The following GFRAL variants were observed in gnomAD, a reference collection of about 807,000 sequenced individuals.
GFRAL encodes the protein GDNF family receptor alpha-like.
GFRAL carries 36 observed loss-of-function variants against 45.4 expected under a neutral mutation model. That is an observed-to-expected ratio of 0.79 (90% CI 0.61 to 1.05). The LOEUF is 1.05. Among genes scored for constraint, GFRAL ranks in the 50% least tolerant of loss-of-function variants. The pLI is 0.00. For synonymous variants in GFRAL, 166 were observed against 154.1 expected, an observed-to-expected ratio of 1.08 and a Z score of -0.57; for missense variants, 507 against 467.5, an observed-to-expected ratio of 1.08 and a Z score of -0.78.
intron 1 of GFRAL, among the ~76,000 whole-genome samples, chr6:55,328,862 C>T (rs960657614): frequency 1.3e-5 from 2 of 151,864 alleles, no homozygotes; most frequent in Non-Finnish European, 2.9e-5. Flanking sequence ...CAACATTTCC[C>T]ATATTATATT....
chr6:55,376,368 G>T (rs1192154229), intron 6 of GFRAL, among the ~76,000 whole-genome samples: 2 of 151,992 alleles, frequency 1.3e-5, no homozygotes, highest in Non-Finnish European at 2.9e-5. Context: ...ATGATTTTGT[G>T]CTCATAGAGT....
In GFRAL at chr6:55,337,753, T is replaced by G. The variant is rs144966735; in HGVS notation, c.316+3809T>G. Among the ~76,000 whole-genome samples the G allele has an allele frequency of 6.5e-3, 988 of 152,332 alleles. 6 individuals are homozygous for G. Among genetic ancestry groups the G allele is most frequent in the Middle Eastern group, 0.01 (3 of 294 alleles). Reference sequence around the variant, plus strand: ...TCCTAGTATTTCCTAATTGTCCTTTTTAATATCTGTAGCAGTTGCAGTGAT... The same window carrying G: ...TCCTAGTATTTCCTAATTGTCCTTTGTAATATCTGTAGCAGTTGCAGTGAT... On this transcript the variant is annotated intron_variant, in intron 3 of 8. Coordinates refer to ENST00000340465, the MANE Select transcript of GFRAL (RefSeq NM_207410.2).
chr6:55,347,937 TAAGCATATTTCTTATC>T (rs1768065050), intron 3 of GFRAL, among the ~76,000 whole-genome samples: 1 of 152,180 alleles, frequency 6.6e-6, no homozygotes, highest in Non-Finnish European at 1.5e-5. Flanking sequence ...TAGTTTATTG[TAAGCATATTTCTTATC>T]AGATTATAAA....
At chr6:55,353,913 C>T (rs1768152961) in intron 5 of GFRAL, among the ~76,000 whole-genome samples, 1 of 152,000 alleles carries the variant, frequency 6.6e-6, no homozygotes, top group Non-Finnish European at 1.5e-5. Flanking sequence ...AAAACTATTA[C>T]TATTCTGCCT....
chr6:55,362,294 C>CAACAA (rs1197653747), intron 6 of GFRAL, among the ~76,000 whole-genome samples: 10 of 150,096 alleles, frequency 6.7e-5, no homozygotes, highest in East Asian at 5.9e-4. Context: ...AAAACAGCAA[C>CAACAA]AACAAAACAA....
intron 6 of GFRAL, among the ~76,000 whole-genome samples, chr6:55,395,726 A>G (rs934961561): frequency 3.3e-5 from 5 of 151,822 alleles, no homozygotes; most frequent in Admixed American, 6.6e-5. Context: ...TGTGAATTAT[A>G]TAAGCAGAGT....
chr6:55,345,342 A>G (rs140296593), intron 3 of GFRAL, among the ~76,000 whole-genome samples: 1,989 of 152,320 alleles, frequency 0.013, 23 homozygotes, highest in Non-Finnish European at 0.022. Flanking sequence ...GTACCAAAAC[A>G]GAGATATAGA....
At chr6:55,395,175 A>ATATATATATATATATATATATATATATAT (rs1554136792) in intron 6 of GFRAL, among the ~76,000 whole-genome samples, 4 of 123,508 alleles carry the variant, frequency 3.2e-5, no homozygotes, top group African/African-American at 1.4e-4. Context: ...AAAAAAAAAA[A>ATATATATATATATATATATATATATATAT]ATATATATAT....
At chr6:55,376,896 G>A (rs960152854) in intron 6 of GFRAL, among the ~76,000 whole-genome samples, 14 of 151,738 alleles carry the variant, frequency 9.2e-5, no homozygotes, top group African/African-American at 3.4e-4. Flanking sequence ...ATTTGCTCTT[G>A]GATATTTTTC....
chr6:55,350,747 C>T (rs143303820), intron 4 of GFRAL, among the ~76,000 whole-genome samples: 2,018 of 152,164 alleles, frequency 0.013, 25 homozygotes, highest in Non-Finnish European at 0.022. Context: ...TATTTGTGAT[C>T]ATATAAGTTA....
chr6:55,399,321 C>T (rs1768866447), intron 7 of GFRAL, 46 bp downstream of exon 7: 7 of 1,532,110 alleles, frequency 4.6e-6, no homozygotes, highest in Non-Finnish European at 6.3e-6. Context: ...TATTTATTTC[C>T]TCTAAAAATC....
chr6:55,369,200 A>G (rs938066305), intron 6 of GFRAL, among the ~76,000 whole-genome samples: 10 of 151,896 alleles, frequency 6.6e-5, no homozygotes, highest in African/African-American at 9.7e-5. Context: ...GAGTGACCCG[A>G]TTTTCCAGGT....
At chr6:55,344,080 T>A (rs1352250374) in intron 3 of GFRAL, among the ~76,000 whole-genome samples, 1 of 151,978 alleles carries the variant, frequency 6.6e-6, no homozygotes, top group Non-Finnish European at 1.5e-5. Flanking sequence ...CAGGACCAGA[T>A]GGATTCACAG....
rs528402667 is a variant in GFRAL, at chr6:55,341,416, CT to C, written c.316+7473del. On this transcript the variant is annotated intron_variant, in intron 3 of 8. Transcript: ENST00000340465. Reference sequence around the variant, plus strand: ...CTTCTGACACCCAGTCAAACAGGGTCTGGAGTGGACCTCCAGCAAAGTCCAA... The same window carrying C: ...CTTCTGACACCCAGTCAAACAGGGTCGGAGTGGACCTCCAGCAAAGTCCAA... Among the ~76,000 whole-genome samples the C allele has an allele frequency of 5.8e-3, 889 of 152,298 alleles. 3 individuals are homozygous for C. Among genetic ancestry groups the C allele is most frequent in the South Asian group, 0.027 (132 of 4,834 alleles).
At chr6:55,376,979 C>G (rs929352698) in intron 6 of GFRAL, among the ~76,000 whole-genome samples, 1 of 151,768 alleles carries the variant, frequency 6.6e-6, no homozygotes, top group Non-Finnish European at 1.5e-5. Context: ...TATTTTAATG[C>G]CTCTAATCTT....
chr6:55,359,337 A>C lies in GFRAL; in HGVS notation c.952+199A>C, dbSNP rs148901401. ...TTACTCACTTACTTGAAAATAGTAC[A>C]TTTTAAAAATTTATATGATAGGTCA... On this transcript the variant is annotated intron_variant, in intron 6 of 8. Coordinates refer to ENST00000340465, the MANE Select transcript of GFRAL (RefSeq NM_207410.2). 4.3e-3 allele frequency among the ~76,000 whole-genome samples: 651 copies of C among 151,250 alleles called. 5 individuals are homozygous for C. The highest frequency in any genetic ancestry group is 0.014 in the African/African-American group (573 of 40,966).
In GFRAL at chr6:55,364,440, T is replaced by G. The variant is rs1475218550; in HGVS notation, c.952+5302T>G. ...TTTGCTGTGCAGAAGCTCTTTAGTT[T>G]AATTAGATCCCATTTGTCAATTTTG... On this transcript the variant is annotated intron_variant, in intron 6 of 8. Transcript: ENST00000340465. 1.0e-4 allele frequency among the ~76,000 whole-genome samples: 15 copies of G among 146,338 alleles called. No individual in the cohort carries two copies. In the East Asian group the frequency reaches 1.9e-3, roughly 19 times the overall value.
chr6:55,346,536 C>G (rs1188562264), intron 3 of GFRAL, among the ~76,000 whole-genome samples: 1 of 151,738 alleles, frequency 6.6e-6, no homozygotes, highest in Non-Finnish European at 1.5e-5. Flanking sequence ...ACACCGGGGC[C>G]TGTCGTGGGG....
intron 6 of GFRAL, among the ~76,000 whole-genome samples, chr6:55,363,324 C>T (rs1002357425): frequency 2.0e-5 from 3 of 151,982 alleles, no homozygotes; most frequent in South Asian, 2.1e-4. Context: ...TACACACACA[C>T]ATTTTTTAAG....
Sources: gnomAD v4.1 joint callset for allele counts (sites outside exome capture counted in the v4.1 genomes callset) on GRCh38, gnomAD v4.1.1 for gene constraint, MANE v1.5 for transcripts, NCBI Gene and HGNC (gene_info 2026-07-23, HGNC 2026-07-21) for gene names.